FAM98A: variants seen among roughly 807,000 people sequenced by gnomAD.
The protein encoded by FAM98A is tRNA splicing ligase complex subunit 3A, also known as protein FAM98A.
FAM98A carries 25 observed loss-of-function variants against 62.9 expected under a neutral mutation model. The ratio of observed to expected loss-of-function variants is 0.40; its 90% CI spans 0.29 to 0.56. The LOEUF is 0.56. Ranked by LOEUF, FAM98A falls within the 20% of genes least tolerant of loss-of-function variation. FAM98A has a pLI of 0.51. For missense variants in FAM98A, 653 were observed against 640.7 expected, an observed-to-expected ratio of 1.02 and a Z score of -0.21; for synonymous variants, 252 against 228.6, an observed-to-expected ratio of 1.10 and a Z score of -0.92.
Position 33,585,305 on chromosome 2 carries a change from T to C in FAM98A, c.1028A>G (p.Tyr343Cys). The change falls in exon 8 of 8, where the codon TAT becomes TGT. Residue 343 changes from tyrosine to cysteine, a missense_variant. By Grantham distance (194) the Tyr-to-Cys change is radical (BLOSUM62 -2). Transcript: ENST00000238823. Reference sequence around the variant, plus strand: ...TCGTCCTCCGTATGAGGAATGTTCATAGCCACCTCTCCCTCCTCCTCGGCC... The same window carrying C: ...TCGTCCTCCGTATGAGGAATGTTCACAGCCACCTCTCCCTCCTCCTCGGCC... ...TGGRGGGRGG[Y>C]EHSSYGGRGG... 6 of 1,614,028 alleles carry C rather than the reference T, an allele frequency of 3.7e-6. No homozygotes were observed. The highest frequency in any genetic ancestry group is 1.1e-5 in the South Asian group (1 of 91,062).
At position 33,588,370 on chromosome 2, in the gene FAM98A, T is replaced by C; in HGVS notation, c.487A>G (p.Thr163Ala). Residue 163 changes from threonine to alanine, a missense_variant, in exon 4 of 8, where the codon ACT becomes GCT. By Grantham distance (58) the Thr-to-Ala change is moderately conservative (BLOSUM62 0). Coordinates refer to ENST00000238823, the MANE Select transcript of FAM98A (RefSeq NM_015475.5). The stretch of plus-strand genomic sequence containing the variant: ...ATCCCGCTGAAGAATTGGAACATAG[T>C]TATATTGGCTGGAGGTTTGGACATT... The part of the protein sequence containing the change: ...LGMSKPPANI[T>A]MFQFFSGIEK... 6.2e-7 allele frequency: 1 copy of C among 1,613,480 alleles called. No homozygotes were observed.
intron 1 of FAM98A, among the ~76,000 whole-genome samples, chr2:33,596,200 G>C (rs1677807364): frequency 6.6e-6 from 1 of 152,028 alleles, no homozygotes; most frequent in Admixed American, 6.6e-5. Context: ...ATGTTGCCCA[G>C]GCTTAGTTAG....
At chr2:33,594,663 A>G (rs1677759224) in intron 2 of FAM98A, among the ~76,000 whole-genome samples, 1 of 114,644 alleles carries the variant, frequency 8.7e-6, no homozygotes, top group Non-Finnish European at 1.7e-5. Flanking sequence ...ACACATATAT[A>G]TACACATATA....
chr2:33,596,634 GT>G (rs1677817259), intron 1 of FAM98A, among the ~76,000 whole-genome samples: 1 of 152,156 alleles, frequency 6.6e-6, no homozygotes, highest in African/African-American at 2.4e-5. Flanking sequence ...GCTCACGCCT[GT>G]AATCCCAGCA....
chr2:33,588,375 T>A lies in FAM98A; in HGVS notation c.482A>T (p.Asn161Ile). 1 of 1,613,436 alleles carries A rather than the reference T, an allele frequency of 6.2e-7. No individual in the cohort carries two copies. Among genetic ancestry groups the A allele is most frequent in the Non-Finnish European group, 8.5e-7 (1 of 1,179,636 alleles). ...GCTGAAGAATTGGAACATAGTTATA[T>A]TGGCTGGAGGTTTGGACATTCCTAG... ...IALGMSKPPA[N>I]ITMFQFFSGI... Residue 161 changes from asparagine (N) to isoleucine (I), a missense_variant, in exon 4 of 8, where the codon AAT (asparagine) becomes ATT (isoleucine). Asn to Ile is a moderately radical substitution (Grantham distance 149). Coordinates refer to ENST00000238823, the MANE Select transcript of FAM98A (RefSeq NM_015475.5).
At chr2:33,585,806 AGGC>A in intron 6 of FAM98A, 109 bp from the exon 7 acceptor site, 1 of 993,920 alleles carries the variant, frequency 1.0e-6, no homozygotes, top group Admixed American at 2.3e-5. Context: ...GATATTTACT[AGGC>A]TCTAGATGGT....
At chr2:33,597,522 G>A (rs955436076) in intron 1 of FAM98A, among the ~76,000 whole-genome samples, 10 of 151,982 alleles carry the variant, frequency 6.6e-5, no homozygotes, top group African/African-American at 2.4e-4. Context: ...AAGTAGTTAT[G>A]TGATTACAAT....
chr2:33,591,840 C>T (rs560181530), intron 3 of FAM98A: 42 of 334,252 alleles, frequency 1.3e-4, no homozygotes, highest in African/African-American at 8.1e-4. Flanking sequence ...AGAAGCACAA[C>T]GGCCTGAGTA....
intron 2 of FAM98A, among the ~76,000 whole-genome samples, chr2:33,594,976 T>C (rs114857183): frequency 0.011 from 1,736 of 152,322 alleles, 29 homozygotes; most frequent in African/African-American, 0.04. Context: ...CTCAGATCCA[T>C]AAATTTGATT....
Position 33,588,937 on chromosome 2 carries a change from A to C in FAM98A, c.338-418T>G, listed in dbSNP as rs1402714357. 2.0e-5 allele frequency: 3 copies of C among 152,962 alleles called. No individual in the cohort carries two copies. In the East Asian group the frequency reaches 5.7e-4, roughly 29 times the overall value. The allele number at this position is 152,962 out of a possible 1,614,324, so 9.5% of individuals were successfully genotyped here. A position where few individuals can be genotyped will look rare whatever the true frequency, so the allele number is the denominator to read the frequency against. On this transcript the variant is annotated intron_variant, in intron 3 of 7. Transcript: ENST00000238823. Reference sequence around the variant, plus strand: ...TAACTTCTCACTACTTGTGAGCATCAATGACACAACTACCTTGCTCTCTTG... The same window carrying C: ...TAACTTCTCACTACTTGTGAGCATCCATGACACAACTACCTTGCTCTCTTG...
At chr2:33,591,735 C>T (rs1453075414) in intron 3 of FAM98A, among the ~76,000 whole-genome samples, 2 of 152,140 alleles carry the variant, frequency 1.3e-5, no homozygotes, top group African/African-American at 4.8e-5. Flanking sequence ...ATACTATCTT[C>T]CTAATATACT....
chr2:33,598,403 C>T (rs1283930946), intron 1 of FAM98A, among the ~76,000 whole-genome samples: 2 of 152,302 alleles, frequency 1.3e-5, no homozygotes, highest in African/African-American at 4.8e-5. Flanking sequence ...GTACACTGAT[C>T]TGGGTGACCC....
intron 2 of FAM98A, among the ~76,000 whole-genome samples, chr2:33,594,327 C>A (rs541591059): frequency 6.6e-6 from 1 of 151,644 alleles, no homozygotes. Flanking sequence ...AAAAAAACAC[C>A]ACATGTTCTC....
chr2:33,586,951 C>T, intron 5 of FAM98A: 1 of 515,420 alleles, frequency 1.9e-6, no homozygotes, highest in Non-Finnish European at 3.4e-6. Flanking sequence ...AAGTTTTTGG[C>T]TTGAAGGCAA....
At chr2:33,587,371 C>T (rs755379440) in intron 4 of FAM98A, 51 bp from the exon 5 acceptor site, 1 of 1,280,956 alleles carries the variant, frequency 7.8e-7, no homozygotes, top group Non-Finnish European at 1.1e-6. Context: ...GTAAAACATC[C>T]TCATCTTCCC....
intron 6 of FAM98A, 66 bp from the exon 7 acceptor site, chr2:33,585,763 A>C (rs1406311759): frequency 6.9e-7 from 1 of 1,446,956 alleles, no homozygotes; most frequent in Non-Finnish European, 9.5e-7. Context: ...ACACATATTA[A>C]ATAAGTTAAA....
intron 1 of FAM98A, 114 bp from the exon 2 acceptor site, chr2:33,595,751 G>T: frequency 1.5e-6 from 1 of 669,718 alleles, no homozygotes; most frequent in Non-Finnish European, 2.3e-6. Flanking sequence ...AGATAAGTTA[G>T]TACTTATCTT....
chr2:33,595,324 G>C (rs1334851806), intron 2 of FAM98A, among the ~76,000 whole-genome samples, 165 bp downstream of exon 2: 1 of 151,958 alleles, frequency 6.6e-6, no homozygotes, highest in Non-Finnish European at 1.5e-5. Flanking sequence ...TTCAACTTCT[G>C]AATCACCTCT....
chr2:33,599,124 G>C (rs1449320609), intron 1 of FAM98A, 45 bp downstream of exon 1: 1 of 1,544,650 alleles, frequency 6.5e-7, no homozygotes, highest in Non-Finnish European at 9.0e-7. Flanking sequence ...TTCCCAGGGG[G>C]CCGGCAGCGT....
Sources: allele counts gnomAD v4.1 joint callset (sites outside exome capture counted in the v4.1 genomes callset), GRCh38; gene constraint gnomAD v4.1.1; transcripts MANE v1.5; gene names NCBI Gene and HGNC (gene_info 2026-07-23, HGNC 2026-07-21).